DAB1: variants seen among roughly 807,000 people sequenced by gnomAD.
The protein encoded by DAB1 is DAB adaptor protein 1, also known as disabled homolog 1.
In DAB1, 15 loss-of-function variants were observed where a neutral mutation model predicts 64.6. The observed-to-expected ratio is 0.23, with a 90% CI of 0.16 to 0.36. The LOEUF is 0.36. Among genes scored for constraint, DAB1 ranks in the 10% least tolerant of loss-of-function variants. The probability of loss-of-function intolerance (pLI) is 1.00; values close to 1 mark genes in which losing one functional copy is unlikely to be tolerated. For missense variants in DAB1, 596 were observed against 706.7 expected, an observed-to-expected ratio of 0.84 and a Z score of 1.78; for synonymous variants, 235 against 251.9, an observed-to-expected ratio of 0.93 and a Z score of 0.64.
chr1:57,299,977 C>T (rs551393799), intron 1 of DAB1, among the ~76,000 whole-genome samples: 2 of 152,254 alleles, frequency 1.3e-5, no homozygotes, highest in African/African-American at 4.8e-5. Context: ...TCCCACCTCC[C>T]CTTCTCTCCT....
chr1:57,005,849 T>C (rs1209302535), intron 14 of DAB1, among the ~76,000 whole-genome samples: 1 of 152,200 alleles, frequency 6.6e-6, no homozygotes, highest in African/African-American at 2.4e-5. Flanking sequence ...TAAAAATACC[T>C]GAGTGTTCCT....
rs200043800 is a variant in DAB1, at chr1:57,710,750, A to AGT, written n.552-61087_552-61086dup. On this transcript the variant is annotated intron_variant and non_coding_transcript_variant, in intron 6 of 20. Transcript: ENST00000485760. ...CAAGATTTACTTTATCTAGGTTTTT[A>AGT]GTGTGTGTGTGTGGAATAAAGAGTT... Among the ~76,000 whole-genome samples, 9 of 151,750 alleles carry AGT rather than the reference A, an allele frequency of 5.9e-5. No individual in the cohort carries two copies. In the South Asian group the frequency reaches 8.3e-4, roughly 14 times the overall value.
chr1:57,880,814 T>C (rs1490017499), intron 1 of DAB1: 1 of 152,214 alleles, frequency 6.6e-6, no homozygotes, highest in Non-Finnish European at 1.5e-5. Context: ...TCCAAATCAA[T>C]GTATTAAATT....
At chr1:57,736,253 C>T (rs960184808) in intron 6 of DAB1, among the ~76,000 whole-genome samples, 2 of 152,022 alleles carry the variant, frequency 1.3e-5, no homozygotes, top group Admixed American at 6.5e-5. Context: ...GATTGGTGTT[C>T]AGGGAAGCCA....
intron 2 of DAB1, among the ~76,000 whole-genome samples, chr1:57,216,567 C>T (rs1188123905): frequency 6.6e-6 from 1 of 152,108 alleles, no homozygotes; most frequent in Non-Finnish European, 1.5e-5. Flanking sequence ...AAGATTGTCA[C>T]TGTGGGTTGA....
intron 4 of DAB1, among the ~76,000 whole-genome samples, chr1:58,274,895 G>C (rs1011611341): frequency 5.3e-5 from 8 of 151,852 alleles, no homozygotes; most frequent in African/African-American, 1.9e-4. Context: ...ACTGGCCTGC[G>C]CCCACTGTCT....
intron 6 of DAB1, among the ~76,000 whole-genome samples, chr1:57,767,172 G>A (rs1321796158): frequency 6.6e-6 from 1 of 152,086 alleles, no homozygotes; most frequent in Non-Finnish European, 1.5e-5. Flanking sequence ...GGGAGGGTGT[G>A]CTGAAAATTC....
At chr1:57,219,703 T>C (rs987184754) in intron 2 of DAB1, among the ~76,000 whole-genome samples, 1 of 152,182 alleles carries the variant, frequency 6.6e-6, no homozygotes, top group Admixed American at 6.5e-5. Context: ...TGGGGACTTC[T>C]AGGAGCTCAG....
intron 4 of DAB1, among the ~76,000 whole-genome samples, chr1:58,171,130 C>T (rs1285632856): frequency 6.6e-6 from 1 of 152,146 alleles, no homozygotes; most frequent in East Asian, 1.9e-4. Context: ...ATATATCAGC[C>T]AAAGCTGGAG....
intron 9 of DAB1, 140 bp downstream of exon 9, chr1:57,062,743 GC>G: frequency 1.5e-6 from 1 of 689,028 alleles, no homozygotes; most frequent in Non-Finnish European, 2.5e-6. Context: ...CACTGAAGAT[GC>G]CCCAGCATGC....
intron 7 of DAB1, among the ~76,000 whole-genome samples, chr1:57,604,311 A>C (rs1456944822): frequency 6.6e-6 from 1 of 151,942 alleles, no homozygotes; most frequent in African/African-American, 2.4e-5. Context: ...TGCTGTGTTT[A>C]CTCCATGAGA....
intron 1 of DAB1, among the ~76,000 whole-genome samples, chr1:58,528,802 T>C (rs1646389975): frequency 6.6e-6 from 1 of 152,222 alleles, no homozygotes; most frequent in African/African-American, 2.4e-5. Flanking sequence ...AGTGAGCAAC[T>C]TTCTAGAGAG....
intron 1 of DAB1, among the ~76,000 whole-genome samples, chr1:58,529,450 G>A (rs1214786998): frequency 6.6e-6 from 1 of 152,190 alleles, no homozygotes; most frequent in Non-Finnish European, 1.5e-5. Context: ...TGGACAAAAT[G>A]AGGCACTCAA....
intron 6 of DAB1, among the ~76,000 whole-genome samples, chr1:57,740,046 CA>C (rs34382329): frequency 2.7e-3 from 282 of 103,092 alleles, no homozygotes; most frequent in African/African-American, 5.7e-3. Context: ...ACTACTACTA[CA>C]AAAAAAAAAA....
intron 1 of DAB1, among the ~76,000 whole-genome samples, chr1:57,350,431 C>T (rs1318499472): frequency 1.3e-5 from 2 of 152,130 alleles, no homozygotes; most frequent in African/African-American, 4.8e-5. Context: ...TAGTAACAAA[C>T]CATATGCTAA....
chr1:57,439,418 G>GTTTTTTGT, intron 7 of DAB1, among the ~76,000 whole-genome samples: 8 of 116,164 alleles, frequency 6.9e-5, no homozygotes, highest in African/African-American at 1.8e-4. Flanking sequence ...TGGTGATGAG[G>GTTTTTTGT]TTTTTTCTTT....
intron 6 of DAB1, among the ~76,000 whole-genome samples, chr1:57,706,848 G>A (rs1435423738): frequency 2.0e-5 from 3 of 152,016 alleles, no homozygotes; most frequent in East Asian, 3.9e-4. Flanking sequence ...TGAGGTGGGC[G>A]CATCACCTGA....
chr1:58,161,640 A>G (rs1203659931), intron 4 of DAB1, among the ~76,000 whole-genome samples: 2 of 152,182 alleles, frequency 1.3e-5, no homozygotes, highest in African/African-American at 4.8e-5. Context: ...TTTTAAAGAC[A>G]TATATGTATA....
At chr1:57,690,257 C>A (rs918127054) in intron 6 of DAB1, among the ~76,000 whole-genome samples, 1 of 152,114 alleles carries the variant, frequency 6.6e-6, no homozygotes, top group African/African-American at 2.4e-5. Flanking sequence ...GATTTCCTTT[C>A]TTTGGGTATT....
Sources: gnomAD v4.1 joint callset for allele counts (sites outside exome capture counted in the v4.1 genomes callset) on GRCh38, gnomAD v4.1.1 for gene constraint, MANE v1.5 for transcripts, NCBI Gene and HGNC (gene_info 2026-07-23, HGNC 2026-07-21) for gene names.